Variants in GUCY1B1 observed in about 807,000 individuals in gnomAD.
GUCY1B1 encodes guanylate cyclase 1 soluble subunit beta 1, also known as guanylate cyclase soluble subunit beta-1.
Under a neutral mutation model 71.0 loss-of-function variants are expected in GUCY1B1, and 43 were observed. The observed-to-expected ratio is 0.61, with a 90% confidence interval of 0.47 to 0.78. The LOEUF (loss-of-function observed/expected upper bound fraction) is 0.78. Ranked by LOEUF, GUCY1B1 falls within the 30% of genes least tolerant of loss-of-function variation. The probability of loss-of-function intolerance (pLI) is 0.00; values close to 1 mark genes in which losing one functional copy is unlikely to be tolerated. For missense variants in GUCY1B1, 535 were observed against 754.1 expected (o/e 0.71, Z 3.40); for synonymous variants, 266 against 259.7 (o/e 1.02, Z -0.23).
Position 155,806,757 on chromosome 4 carries a change from G to A in GUCY1B1, c.*348G>A. 1 of 241,324 alleles carries A rather than the reference G, an allele frequency of 4.1e-6. No homozygotes were observed. The highest frequency in any genetic ancestry group is 8.0e-6 in the Non-Finnish European group (1 of 125,530). 14.9% of individuals were successfully genotyped at this position (241,324 alleles called of 1,614,324 possible). A position where few individuals can be genotyped will look rare whatever the true frequency, so the allele number is the denominator to read the frequency against. ...GAATTTAGTTAAATGAAACTGAACA[G>A]TGTTTGGCCATGTGTATATTTATAT... On this transcript the variant is annotated 3_prime_UTR_variant, in exon 14 of 14. Transcript: ENST00000264424.
intron 4 of GUCY1B1, among the ~76,000 whole-genome samples, chr4:155,789,049 A>G (rs1738984191): frequency 6.6e-6 from 1 of 152,182 alleles, no homozygotes; most frequent in Non-Finnish European, 1.5e-5. Context: ...AAAACAGAAA[A>G]TATTTATTGG....
At chr4:155,761,123 T>G (rs1560996575) in intron 2 of GUCY1B1, among the ~76,000 whole-genome samples, 1 of 152,220 alleles carries the variant, frequency 6.6e-6, no homozygotes, top group Non-Finnish European at 1.5e-5. Flanking sequence ...CTACATATTA[T>G]AAACAGAAGC....
chr4:155,775,506 T>G (rs1737983699), intron 3 of GUCY1B1, among the ~76,000 whole-genome samples: 1 of 152,058 alleles, frequency 6.6e-6, no homozygotes. Context: ...GTTGTCCAGG[T>G]TGGTCTTGAA....
Position 155,807,588 on chromosome 4 carries a change from C to T in GUCY1B1, c.*1179C>T, listed in dbSNP as rs183681523. On this transcript the variant is annotated 3_prime_UTR_variant, in exon 14 of 14. Coordinates refer to ENST00000264424, the MANE Select transcript of GUCY1B1 (RefSeq NM_000857.5). Reference sequence around the variant, plus strand: ...AGTCTGTAATAAATTATTTTTTTCACGTGTCTCTATACAGTTTTTATTTCA... The same window carrying T: ...AGTCTGTAATAAATTATTTTTTTCATGTGTCTCTATACAGTTTTTATTTCA... The T allele has an allele frequency of 5.7e-4, 86 of 151,966 alleles. No individual in the cohort carries two copies. Among genetic ancestry groups the T allele is most frequent in the Middle Eastern group, 6.8e-3 (2 of 292 alleles). 9.4% of individuals were successfully genotyped at this position (151,966 alleles called of 1,614,324 possible).
At chr4:155,787,665 A>G (rs1202804078) in intron 4 of GUCY1B1, among the ~76,000 whole-genome samples, 2 of 152,202 alleles carry the variant, frequency 1.3e-5, no homozygotes, top group Non-Finnish European at 2.9e-5. Flanking sequence ...AGCCCACATG[A>G]CACAGTGTAT....
chr4:155,759,995 C>A (rs1030099239), intron 2 of GUCY1B1, 135 bp downstream of exon 2: 2 of 617,048 alleles, frequency 3.2e-6, no homozygotes, highest in Non-Finnish European at 5.7e-6. Flanking sequence ...GCCTCGCTCC[C>A]GGCTCGCTGC....
At chr4:155,766,997 A>G (rs1737379893) in intron 2 of GUCY1B1, among the ~76,000 whole-genome samples, 1 of 152,200 alleles carries the variant, frequency 6.6e-6, no homozygotes, top group Non-Finnish European at 1.5e-5. Flanking sequence ...CAGAAAATAG[A>G]TTCCTTCATT....
chr4:155,765,183 G>T (rs989082303), intron 2 of GUCY1B1, among the ~76,000 whole-genome samples: 1 of 152,126 alleles, frequency 6.6e-6, no homozygotes, highest in Non-Finnish European at 1.5e-5. Context: ...GCATTGTTAT[G>T]ATTTGCAAGA....
intron 4 of GUCY1B1, among the ~76,000 whole-genome samples, chr4:155,782,782 A>G (rs553370035): frequency 1.3e-5 from 2 of 152,304 alleles, no homozygotes; most frequent in South Asian, 4.2e-4. Context: ...GTATCTTGGA[A>G]CAGTTGCTGT....
chr4:155,797,890 AAAAG>A, intron 8 of GUCY1B1, among the ~76,000 whole-genome samples: 1 of 152,066 alleles, frequency 6.6e-6, no homozygotes, highest in Non-Finnish European at 1.5e-5. Flanking sequence ...TCAGGAAAAT[AAAAG>A]AAACAAAACT....
At chr4:155,783,155 G>A (rs1579220756) in intron 4 of GUCY1B1, among the ~76,000 whole-genome samples, 2 of 152,164 alleles carry the variant, frequency 1.3e-5, no homozygotes, top group African/African-American at 4.8e-5. Context: ...GTGTTAATAT[G>A]TGTGTATATG....
chr4:155,778,437 G>A (rs114519423), intron 4 of GUCY1B1, among the ~76,000 whole-genome samples: 1,752 of 152,284 alleles, frequency 0.012, 34 homozygotes, highest in African/African-American at 0.039. Context: ...GCTGCTTTCA[G>A]CAGCCAGATC....
intron 4 of GUCY1B1, among the ~76,000 whole-genome samples, chr4:155,783,231 A>G (rs1738556259): frequency 6.6e-6 from 1 of 152,192 alleles, no homozygotes; most frequent in South Asian, 2.1e-4. Flanking sequence ...ACCCCTGGGA[A>G]TAGGAGCCAT....
rs537627214 is a variant in GUCY1B1, at chr4:155,759,030, C to G, written c.-111C>G. 14 of 1,197,402 alleles carry G rather than the reference C, an allele frequency of 1.2e-5. No homozygotes were observed. Among genetic ancestry groups the G allele is most frequent in the African/African-American group, 7.5e-5 (5 of 66,722 alleles). 74.2% of individuals were successfully genotyped at this position (1,197,402 alleles called of 1,614,324 possible). On this transcript the variant is annotated 5_prime_UTR_variant, in exon 1 of 14. Coordinates refer to ENST00000264424, the MANE Select transcript of GUCY1B1 (RefSeq NM_000857.5). ...CAAGGCGGCTGTTCTCGCTCCAGCT[C>G]GATGCTGCCTCCCCGGCCCGGTTGC...
At chr4:155,776,495 C>A (rs1020094150) in intron 3 of GUCY1B1, among the ~76,000 whole-genome samples, 129 of 152,010 alleles carry the variant, frequency 8.5e-4, no homozygotes, top group Admixed American at 1.4e-3. Context: ...CATGGTGAAA[C>A]CCCCTCTCTA....
intron 5 of GUCY1B1, 98 bp from the exon 6 acceptor site, chr4:155,793,758 C>T: frequency 1.6e-6 from 1 of 623,562 alleles, no homozygotes; most frequent in Non-Finnish European, 2.9e-6. Flanking sequence ...TGTAATTAAT[C>T]TTCTAAATGC....
chr4:155,764,722 T>A (rs1737215889), intron 2 of GUCY1B1, among the ~76,000 whole-genome samples: 2 of 152,192 alleles, frequency 1.3e-5, no homozygotes, highest in South Asian at 4.1e-4. Flanking sequence ...TTGCATTGTA[T>A]TGTGTGTTGG....
chr4:155,794,478 G>A (rs1739401566), intron 6 of GUCY1B1, among the ~76,000 whole-genome samples: 1 of 152,126 alleles, frequency 6.6e-6, no homozygotes, highest in South Asian at 2.1e-4. Flanking sequence ...TAAGGGAAAA[G>A]GGGGGATTTT....
Position 155,802,653 on chromosome 4 carries a change from T to C in GUCY1B1, c.1413+74T>C. 7.7e-7 allele frequency: 1 copy of C among 1,295,724 alleles called. No homozygotes were observed. The highest frequency in any genetic ancestry group is 1.1e-6 in the Non-Finnish European group (1 of 949,750). 80.3% of individuals were successfully genotyped at this position (1,295,724 alleles called of 1,614,324 possible). A position where few individuals can be genotyped will look rare whatever the true frequency, so the allele number is the denominator to read the frequency against. On this transcript the variant is annotated intron_variant, in intron 10 of 13. Transcript: ENST00000264424. The surrounding 1 kb of genome is among the most constrained non-coding windows in gnomAD (Gnocchi z 4.3). ...CTGAGACTCCCCTCCAGAGGCCATG[T>C]CATCACAGCTCTCTGACTCCAGCAC... is the stretch of plus-strand genomic sequence containing the variant.
Sources: allele counts gnomAD v4.1 joint callset (sites outside exome capture counted in the v4.1 genomes callset), GRCh38; gene constraint gnomAD v4.1.1; non-coding constraint Gnocchi (gnomAD v3.1); transcripts MANE v1.5; gene names NCBI Gene and HGNC (gene_info 2026-07-23, HGNC 2026-07-21).